The following BAZ2B variants were observed in gnomAD, a reference collection of about 807,000 sequenced individuals.
BAZ2B encodes the protein bromodomain adjacent to zinc finger domain 2B.
Under a neutral mutation model 246.0 loss-of-function variants are expected in BAZ2B, and 91 were observed. The observed-to-expected ratio is 0.37, with a 90% CI of 0.31 to 0.44. BAZ2B has a LOEUF of 0.44. Among genes scored for constraint, BAZ2B ranks in the 20% least tolerant of loss-of-function variants. The pLI is 1.00. For synonymous variants in BAZ2B, 855 were observed against 860.0 expected (o/e 0.99, Z 0.10); for missense variants, 2,332 against 2,533.7 (o/e 0.92, Z 1.71).
chr2:159,700,094 C>T, the BAZ2B span, among the ~76,000 whole-genome samples: 1 of 152,202 alleles, frequency 6.6e-6, no homozygotes, highest in Non-Finnish European at 1.5e-5. Flanking sequence ...TTAACTATCA[C>T]ATTGGTAGTA....
At chr2:159,429,616 G>T (rs1256950516) in intron 10 of BAZ2B, among the ~76,000 whole-genome samples, 1 of 152,050 alleles carries the variant, frequency 6.6e-6, no homozygotes, top group South Asian at 2.1e-4. Context: ...TTGAAAATAG[G>T]AGTTTTTGGA....
intron 2 of BAZ2B, among the ~76,000 whole-genome samples, chr2:159,547,139 G>T (rs775732254): frequency 2.6e-5 from 4 of 152,122 alleles, no homozygotes; most frequent in African/African-American, 9.7e-5. Flanking sequence ...AAGAAAATCA[G>T]AGAATAAAAT....
chr2:159,387,975 T>G (rs2062835100), intron 21 of BAZ2B, among the ~76,000 whole-genome samples: 1 of 152,078 alleles, frequency 6.6e-6, no homozygotes, highest in Non-Finnish European at 1.5e-5. Context: ...TATAGTTCAA[T>G]CCATTCTAGA....
rs1423714120 is a variant in BAZ2B, at chr2:159,319,892, A to G, written c.*373T>C. The stretch of plus-strand genomic sequence containing the variant: ...TAAACTACAAAGTAAAAAAATGAAA[A>G]ATAGATATTTATTGAGAGGGAAAGG... On this transcript the variant is annotated 3_prime_UTR_variant, in exon 37 of 37. Coordinates refer to ENST00000392783, the MANE Select transcript of BAZ2B (RefSeq NM_013450.4). This position sits in a 1 kb window ranked among gnomAD's most constrained non-coding sequence, Gnocchi z 4.0. 1 of 154,884 alleles carries G rather than the reference A, an allele frequency of 6.5e-6. No individual in the cohort carries two copies. Among genetic ancestry groups the G allele is most frequent in the Non-Finnish European group, 1.4e-5 (1 of 69,624 alleles). 9.6% of individuals were successfully genotyped at this position (154,884 alleles called of 1,614,324 possible). A position where few individuals can be genotyped will look rare whatever the true frequency, so the allele number is the denominator to read the frequency against.
At chr2:159,409,242 G>A (rs1038797611) in intron 14 of BAZ2B, among the ~76,000 whole-genome samples, 1 of 152,048 alleles carries the variant, frequency 6.6e-6, no homozygotes, top group Admixed American at 6.6e-5. Context: ...ACATCTCTAA[G>A]GTCAGAATGT....
chr2:159,326,530 A>G (rs2063734795), intron 34 of BAZ2B, among the ~76,000 whole-genome samples: 1 of 152,206 alleles, frequency 6.6e-6, no homozygotes, highest in African/African-American at 2.4e-5. Context: ...GGGCAAAAAG[A>G]TGTCTGTTTT....
intron 1 of BAZ2B, among the ~76,000 whole-genome samples, chr2:159,580,068 G>C (rs10165041): frequency 0.37 from 55,911 of 151,980 alleles, 10,420 homozygotes; most frequent in South Asian, 0.46. Context: ...GTTCTGGCCA[G>C]GGCAATCAGG....
the BAZ2B span, among the ~76,000 whole-genome samples, chr2:159,711,142 T>C: frequency 3.3e-5 from 5 of 152,176 alleles, no homozygotes; most frequent in African/African-American, 1.2e-4. Context: ...AGCCATATAG[T>C]CTGGTTCTTC....
chr2:159,386,598 C>G lies in BAZ2B; in HGVS notation c.3226G>C (p.Glu1076Gln), dbSNP rs2062683145. The G allele has an allele frequency of 4.4e-6, 7 of 1,594,192 alleles. No individual in the cohort carries two copies. The highest frequency in any genetic ancestry group is 6.0e-6 in the Non-Finnish European group (7 of 1,173,224). The change falls in exon 22 of 37, where the codon GAG (glutamate) becomes CAG (glutamine). Residue 1076 changes from glutamate (E) to glutamine (Q), a missense_variant. This residue lies in a region of BAZ2B where 328 missense variants were observed against 410.4 expected (regional missense o/e 0.80). Transcript: ENST00000392783. Reference sequence around the variant, plus strand: ...ACAAGTCCTGGAATACGAGGCAACTCTGGCAAAGGCTGAAAATAAAATGAA... The same window carrying G: ...ACAAGTCCTGGAATACGAGGCAACTGTGGCAAAGGCTGAAAATAAAATGAA... ...MCLADQKPLPELPRIPGLVLS... is the reference protein window; with the variant it reads ...MCLADQKPLPQLPRIPGLVLS...
chr2:159,390,653 A>G (rs898798124), intron 20 of BAZ2B, among the ~76,000 whole-genome samples: 3 of 152,142 alleles, frequency 2.0e-5, no homozygotes, highest in Non-Finnish European at 4.4e-5. Context: ...AGAACATGGG[A>G]TCAGAGAGTA....
At chr2:159,426,899 T>C (rs2070026088) in intron 13 of BAZ2B, among the ~76,000 whole-genome samples, 1 of 151,992 alleles carries the variant, frequency 6.6e-6, no homozygotes, top group Non-Finnish European at 1.5e-5. Flanking sequence ...ACAAAGAAAA[T>C]ATTAATTGCC....
chr2:159,334,762 A>G (rs140678267), intron 33 of BAZ2B, among the ~76,000 whole-genome samples: 11 of 152,370 alleles, frequency 7.2e-5, no homozygotes, highest in African/African-American at 2.6e-4. Flanking sequence ...TAAATATATC[A>G]ATATAAAGGC....
the BAZ2B span, among the ~76,000 whole-genome samples, chr2:159,661,782 T>C: frequency 6.6e-6 from 1 of 152,172 alleles, no homozygotes; most frequent in Non-Finnish European, 1.5e-5. Context: ...CATCATCTTT[T>C]TTTTTTTTAA....
intron 33 of BAZ2B, among the ~76,000 whole-genome samples, chr2:159,333,676 G>A (rs904385311): frequency 6.6e-6 from 1 of 151,916 alleles, no homozygotes; most frequent in African/African-American, 2.4e-5. Context: ...GTATTTATAC[G>A]CTCTTAAAAA....
chr2:159,331,327 G>C (rs533691434), intron 34 of BAZ2B, among the ~76,000 whole-genome samples: 47 of 152,252 alleles, frequency 3.1e-4, no homozygotes, highest in Admixed American at 7.2e-4. Context: ...CAGAGCTAGA[G>C]ATAAATTATT....
At chr2:159,403,203 CAG>C (rs1287720634) in intron 16 of BAZ2B, among the ~76,000 whole-genome samples, 1 of 151,980 alleles carries the variant, frequency 6.6e-6, no homozygotes, top group African/African-American at 2.4e-5. Context: ...CCCTATATAA[CAG>C]AGAGTATGAG....
intron 34 of BAZ2B, among the ~76,000 whole-genome samples, chr2:159,326,290 A>C (rs2063703898): frequency 2.0e-5 from 3 of 152,200 alleles, no homozygotes; most frequent in Admixed American, 1.3e-4. Flanking sequence ...AGATGAATAT[A>C]AATGAAAATA....
chr2:159,516,280 G>A (rs1364603570), intron 2 of BAZ2B: 1 of 152,108 alleles, frequency 6.6e-6, no homozygotes, highest in African/African-American at 2.4e-5. Flanking sequence ...ACAGCTTACT[G>A]TGGAGAGTGG....
the BAZ2B span, among the ~76,000 whole-genome samples, chr2:159,683,942 C>T: frequency 1.3e-5 from 2 of 152,190 alleles, no homozygotes; most frequent in East Asian, 3.8e-4. Flanking sequence ...ATGTGGATAT[C>T]TCTGGGAGGC....
Sources: gnomAD v4.1 joint callset for allele counts (sites outside exome capture counted in the v4.1 genomes callset) on GRCh38, gnomAD v4.1.1 for gene constraint, gnomAD v4.1.1 regional missense constraint, Gnocchi (gnomAD v3.1) non-coding constraint, MANE v1.5 for transcripts, NCBI Gene and HGNC (gene_info 2026-07-23, HGNC 2026-07-21) for gene names.